PLEKHA2: variants seen among roughly 807,000 people sequenced by gnomAD.
PLEKHA2 encodes pleckstrin homology domain-containing family A member 2.
In PLEKHA2, 28 loss-of-function variants were observed where a neutral mutation model predicts 53.2. The observed-to-expected ratio is 0.53, with a 90% confidence interval of 0.39 to 0.72. The LOEUF (loss-of-function observed/expected upper bound fraction) is 0.72, where lower values mean the gene tolerates loss of function less well. Among genes scored for constraint, PLEKHA2 ranks in the 30% least tolerant of loss-of-function variants. The pLI is 0.00. For synonymous variants in PLEKHA2, 193 were observed against 196.4 expected (o/e 0.98, Z 0.14); for missense variants, 426 against 537.9 (o/e 0.79, Z 2.06).
intron 6 of PLEKHA2, 27 bp from the exon 7 acceptor site, chr8:38,952,139 G>A (rs751590912): frequency 1.4e-5 from 22 of 1,603,016 alleles, no homozygotes; most frequent in African/African-American, 1.2e-4. Context: ...GGAGGGAGGC[G>A]CTGATACTGA....
intron 10 of PLEKHA2, among the ~76,000 whole-genome samples, chr8:38,964,731 G>A (rs1216755009): frequency 6.6e-6 from 1 of 151,224 alleles, no homozygotes; most frequent in Non-Finnish European, 1.5e-5. Context: ...AAGATATAAT[G>A]TATCTTTGTA....
intron 10 of PLEKHA2, among the ~76,000 whole-genome samples, chr8:38,964,506 G>A (rs1235875530): frequency 3.3e-5 from 5 of 152,040 alleles, no homozygotes; most frequent in African/African-American, 1.2e-4. Flanking sequence ...GTTTCATCCC[G>A]AAACCACCCG....
intron 1 of PLEKHA2, among the ~76,000 whole-genome samples, chr8:38,911,654 A>C (rs1294701509): frequency 6.6e-6 from 1 of 151,994 alleles, no homozygotes; most frequent in African/African-American, 2.4e-5. Context: ...TCTACCCAAT[A>C]TTTTCACACT....
chr8:38,958,603 A>T (rs1027748468), intron 10 of PLEKHA2, among the ~76,000 whole-genome samples: 1 of 152,120 alleles, frequency 6.6e-6, no homozygotes, highest in East Asian at 1.9e-4. Flanking sequence ...AGCACATACC[A>T]TCCAGGAAGA....
chr8:38,906,333 G>T (rs970616396), intron 1 of PLEKHA2, among the ~76,000 whole-genome samples: 4 of 152,214 alleles, frequency 2.6e-5, no homozygotes, highest in African/African-American at 7.2e-5. Context: ...GAGAGGTCAT[G>T]AGTGTCTGAA....
Position 38,973,179 on chromosome 8 carries a change from G to C in PLEKHA2, c.*3396G>C, listed in dbSNP as rs1252592368. 2.0e-5 allele frequency: 3 copies of C among 151,934 alleles called. No homozygotes were observed. Among genetic ancestry groups the C allele is most frequent in the African/African-American group, 7.3e-5 (3 of 41,354 alleles). 9.4% of individuals were successfully genotyped at this position (151,934 alleles called of 1,614,324 possible). A position where few individuals can be genotyped will look rare whatever the true frequency, so the allele number is the denominator to read the frequency against. ...GCTGATGGTTGGTAAAAATAATTTG[G>C]CCTTTAGTGTTAAGTGAGACATCAT... On this transcript the variant is annotated 3_prime_UTR_variant, in exon 12 of 12. Transcript: ENST00000617275.
chr8:38,954,218 A>G (rs941620373), intron 9 of PLEKHA2, among the ~76,000 whole-genome samples: 5 of 152,218 alleles, frequency 3.3e-5, no homozygotes, highest in Non-Finnish European at 7.3e-5. Context: ...TGAAAACAAC[A>G]TGCTGTGTGA....
intron 2 of PLEKHA2, among the ~76,000 whole-genome samples, chr8:38,930,440 G>C (rs566109304): frequency 6.6e-6 from 1 of 152,166 alleles, no homozygotes; most frequent in Non-Finnish European, 1.5e-5. Context: ...CTGACCTCAG[G>C]TGATCCCCCT....
chr8:38,957,676 G>A (rs1321281987), intron 10 of PLEKHA2, among the ~76,000 whole-genome samples: 1 of 152,170 alleles, frequency 6.6e-6, no homozygotes, highest in Non-Finnish European at 1.5e-5. Flanking sequence ...AAGGAGAACC[G>A]GTCAATGATT....
At chr8:38,947,683 A>G (rs1834740524) in intron 5 of PLEKHA2, among the ~76,000 whole-genome samples, 1 of 152,198 alleles carries the variant, frequency 6.6e-6, no homozygotes, top group African/African-American at 2.4e-5. Context: ...GATCTGAAGC[A>G]CTGCATGACA....
intron 2 of PLEKHA2, among the ~76,000 whole-genome samples, 158 bp from the exon 3 acceptor site, chr8:38,935,836 A>G (rs1834484632): frequency 6.6e-6 from 1 of 152,232 alleles, no homozygotes; most frequent in Non-Finnish European, 1.5e-5. Context: ...AGGAATTATC[A>G]TCACTGTTTC....
chr8:38,916,605 CT>C (rs1284163368), intron 1 of PLEKHA2, among the ~76,000 whole-genome samples: 3 of 152,294 alleles, frequency 2.0e-5, no homozygotes, highest in East Asian at 3.9e-4. Context: ...GGATCTTACT[CT>C]TTTTTTATGG....
chr8:38,930,350 T>TGC, intron 2 of PLEKHA2, among the ~76,000 whole-genome samples: 1 of 152,070 alleles, frequency 6.6e-6, no homozygotes, highest in Non-Finnish European at 1.5e-5. Flanking sequence ...TACAGGCGCA[T>TGC]GCCACTATGC....
At chr8:38,920,034 T>C (rs1003153905) in intron 2 of PLEKHA2, among the ~76,000 whole-genome samples, 13 of 151,764 alleles carry the variant, frequency 8.6e-5, no homozygotes, top group Admixed American at 7.9e-4. Context: ...TGCAGTGGCA[T>C]GATCTCGGCT....
chr8:38,947,479 C>T (rs1041898005), intron 5 of PLEKHA2, among the ~76,000 whole-genome samples: 1 of 151,962 alleles, frequency 6.6e-6, no homozygotes, highest in Non-Finnish European at 1.5e-5. Context: ...AAAAATTAGC[C>T]AGGCCTGGTG....
intron 2 of PLEKHA2, among the ~76,000 whole-genome samples, chr8:38,932,804 A>G (rs1343400793): frequency 1.3e-5 from 2 of 152,062 alleles, no homozygotes; most frequent in Non-Finnish European, 2.9e-5. Context: ...GGGAGGGAGG[A>G]AGGCAGCATC....
In PLEKHA2 at chr8:38,922,015, A is replaced by G. The variant is rs1204260944; in HGVS notation, c.141+3945A>G. Reference sequence around the variant, plus strand: ...TTTATTTCATTCTGACAACAAGTTTAATTGGTAGTTATTATTGCCCTCATT... The same window carrying G: ...TTTATTTCATTCTGACAACAAGTTTGATTGGTAGTTATTATTGCCCTCATT... On this transcript the variant is annotated intron_variant, in intron 2 of 11. Coordinates refer to ENST00000617275, the MANE Select transcript of PLEKHA2 (RefSeq NM_021623.2). The surrounding 1 kb of genome is among the most constrained non-coding windows in gnomAD (Gnocchi z 4.0). 4.6e-5 allele frequency among the ~76,000 whole-genome samples: 7 copies of G among 152,172 alleles called. No individual in the cohort carries two copies. The highest frequency in any genetic ancestry group is 1.7e-4 in the African/African-American group (7 of 41,450).
At chr8:38,951,656 G>A (rs967199050) in intron 6 of PLEKHA2, among the ~76,000 whole-genome samples, 7 of 151,310 alleles carry the variant, frequency 4.6e-5, no homozygotes, top group African/African-American at 9.7e-5. Flanking sequence ...GTGCCACCAC[G>A]CCTGGCTAAA....
At chr8:38,902,879 T>G (rs775285097) in intron 1 of PLEKHA2, among the ~76,000 whole-genome samples, 3 of 152,188 alleles carry the variant, frequency 2.0e-5, no homozygotes, top group Non-Finnish European at 2.9e-5. Context: ...CCCACTTGTT[T>G]TGAGAAGCCA....
Sources: gnomAD v4.1 joint callset for allele counts (sites outside exome capture counted in the v4.1 genomes callset) on GRCh38, gnomAD v4.1.1 for gene constraint, Gnocchi (gnomAD v3.1) non-coding constraint, MANE v1.5 for transcripts, NCBI Gene and HGNC (gene_info 2026-07-23, HGNC 2026-07-21) for gene names.